HHAT: variants seen among roughly 807,000 people sequenced by gnomAD.
The protein encoded by HHAT is protein-cysteine N-palmitoyltransferase HHAT.
Under a neutral mutation model 70.8 loss-of-function variants are expected in HHAT, and 47 were observed. The ratio of observed to expected loss-of-function variants is 0.66; its 90% confidence interval spans 0.53 to 0.85. HHAT has a LOEUF of 0.85. HHAT is among the 40% of genes least tolerant of loss of function. HHAT has a pLI of 0.00. For synonymous variants in HHAT, 228 were observed against 247.6 expected (o/e 0.92, Z 0.74); for missense variants, 609 against 604.8 (o/e 1.01, Z -0.07).
At chr1:210,410,815 C>T (rs1035743798) in intron 6 of HHAT, among the ~76,000 whole-genome samples, 47 of 152,154 alleles carry the variant, frequency 3.1e-4, no homozygotes, top group African/African-American at 1.1e-3. Context: ...CATGAGCCAC[C>T]ATGCCTGGCT....
At chr1:210,671,437 G>A (rs974745745) in intron 11 of HHAT, among the ~76,000 whole-genome samples, 1 of 152,184 alleles carries the variant, frequency 6.6e-6, no homozygotes, top group African/African-American at 2.4e-5. Context: ...TGGCTGTATT[G>A]AGCTAGTGTT....
chr1:210,444,552 ACTT>A (rs1327893863), intron 7 of HHAT, among the ~76,000 whole-genome samples: 1 of 150,186 alleles, frequency 6.7e-6, no homozygotes, highest in Non-Finnish European at 1.5e-5. Flanking sequence ...CAGAGATTCA[ACTT>A]CTTCCTGGTT....
intron 10 of HHAT, among the ~76,000 whole-genome samples, chr1:210,616,960 T>G (rs1404571556): frequency 2.6e-5 from 4 of 152,220 alleles, no homozygotes; most frequent in African/African-American, 9.6e-5. Flanking sequence ...AGAAATTGGG[T>G]GACTGACTTT....
At chr1:210,612,917 T>G (rs1038158679) in intron 10 of HHAT, among the ~76,000 whole-genome samples, 2 of 152,234 alleles carry the variant, frequency 1.3e-5, no homozygotes, top group African/African-American at 4.8e-5. Context: ...TTTGTATATC[T>G]TCTTTGGATA....
At chr1:210,434,116 G>A (rs1450889070) in intron 7 of HHAT, among the ~76,000 whole-genome samples, 2 of 151,882 alleles carry the variant, frequency 1.3e-5, no homozygotes, top group Non-Finnish European at 2.9e-5. Context: ...AAAAGAAGAA[G>A]GTACACAATT....
chr1:210,558,844 A>G (rs746148008), intron 9 of HHAT, among the ~76,000 whole-genome samples: 5 of 152,188 alleles, frequency 3.3e-5, no homozygotes, highest in African/African-American at 4.8e-5. Context: ...CATCCTTGGG[A>G]AAGGTGCAAA....
At chr1:210,377,545 A>C (rs1352653290) in intron 3 of HHAT, among the ~76,000 whole-genome samples, 1 of 152,226 alleles carries the variant, frequency 6.6e-6, no homozygotes, top group Non-Finnish European at 1.5e-5. Flanking sequence ...TAGACTCTGC[A>C]GTCTTGCTCT....
chr1:210,562,647 T>TTTTTC (rs1393165179), intron 9 of HHAT, among the ~76,000 whole-genome samples: 1 of 150,346 alleles, frequency 6.7e-6, no homozygotes, highest in Non-Finnish European at 1.5e-5. Context: ...GTGGTGGGTT[T>TTTTTC]TTTTCTTTTC....
chr1:210,584,393 A>G (rs1294653904), intron 9 of HHAT, among the ~76,000 whole-genome samples: 3 of 152,114 alleles, frequency 2.0e-5, no homozygotes, highest in East Asian at 1.9e-4. Context: ...AGGTTTGATT[A>G]CCCTATTTTA....
At chr1:210,542,537 C>T (rs1045707450) in intron 9 of HHAT, among the ~76,000 whole-genome samples, 1 of 151,574 alleles carries the variant, frequency 6.6e-6, no homozygotes, top group African/African-American at 2.4e-5. Context: ...GTGGCTTGCC[C>T]CTGTAATCCC....
At chr1:210,557,253 G>A (rs764053721) in intron 9 of HHAT, among the ~76,000 whole-genome samples, 2 of 152,218 alleles carry the variant, frequency 1.3e-5, no homozygotes, top group African/African-American at 2.4e-5. Context: ...GAGAAAGAAT[G>A]TCTTCATTGT....
At chr1:210,526,291 A>G (rs555019741) in intron 9 of HHAT, among the ~76,000 whole-genome samples, 1 of 151,710 alleles carries the variant, frequency 6.6e-6, no homozygotes, top group African/African-American at 2.4e-5. Context: ...AACACCTCTG[A>G]GCCTGGCTCT....
At chr1:210,437,862 G>A (rs1174135235) in intron 7 of HHAT, among the ~76,000 whole-genome samples, 1 of 151,802 alleles carries the variant, frequency 6.6e-6, no homozygotes, top group Admixed American at 6.6e-5. Context: ...CCATGAATCA[G>A]TTTTAGATTC....
intron 8 of HHAT, among the ~76,000 whole-genome samples, chr1:210,501,554 G>T (rs1018176722): frequency 6.6e-6 from 1 of 152,270 alleles, no homozygotes; most frequent in Non-Finnish European, 1.5e-5. Flanking sequence ...CAGCACCAAA[G>T]TGGGGTCTCA....
intron 11 of HHAT, among the ~76,000 whole-genome samples, chr1:210,653,628 G>A (rs1263481159): frequency 6.6e-6 from 1 of 152,158 alleles, no homozygotes; most frequent in Non-Finnish European, 1.5e-5. Flanking sequence ...AACAGGAGAT[G>A]CCTATAGGGG....
chr1:210,609,108 A>G (rs938157224), intron 10 of HHAT, among the ~76,000 whole-genome samples: 1 of 151,866 alleles, frequency 6.6e-6, no homozygotes, highest in African/African-American at 2.4e-5. Context: ...GATTATGGGG[A>G]TTACAATTCA....
chr1:210,359,897 T>G (rs1273637856), intron 2 of HHAT, among the ~76,000 whole-genome samples: 1 of 152,112 alleles, frequency 6.6e-6, no homozygotes, highest in African/African-American at 2.4e-5. Flanking sequence ...GTCTCCGAAT[T>G]TTTGGGAGAC....
chr1:210,485,263 C>T (rs2094457191), intron 8 of HHAT, among the ~76,000 whole-genome samples: 1 of 152,238 alleles, frequency 6.6e-6, no homozygotes. Flanking sequence ...CCAGCTCCTC[C>T]TCCTAGGGTA....
chr1:210,608,973 G>A (rs1169151078), intron 10 of HHAT, among the ~76,000 whole-genome samples: 3 of 152,150 alleles, frequency 2.0e-5, no homozygotes, highest in African/African-American at 4.8e-5. Flanking sequence ...AGTGCCAAGC[G>A]AAGGGGGAAG....
Sources: gnomAD v4.1 joint callset for allele counts (sites outside exome capture counted in the v4.1 genomes callset) on GRCh38, gnomAD v4.1.1 for gene constraint, MANE v1.5 for transcripts, NCBI Gene and HGNC (gene_info 2026-07-23, HGNC 2026-07-21) for gene names.